Variants in TYW1 observed in about 807,000 individuals in gnomAD.
The protein encoded by TYW1 is S-adenosyl-L-methionine-dependent tRNA 4-demethylwyosine synthase TYW1.
A neutral mutation model predicts 96.2 loss-of-function variants in TYW1; 46 were observed. The ratio of observed to expected loss-of-function variants is 0.48; its 90% CI spans 0.38 to 0.61. The LOEUF is 0.61. TYW1 is among the 20% of genes least tolerant of loss of function. The probability of loss-of-function intolerance (pLI) is 0.00; values close to 1 mark genes in which losing one functional copy is unlikely to be tolerated. For synonymous variants in TYW1, 274 were observed against 323.0 expected (o/e 0.85, Z 1.63); for missense variants, 684 against 909.6 (o/e 0.75, Z 3.19).
At chr7:67,138,259 A>G (rs1798331242) in intron 13 of TYW1, among the ~76,000 whole-genome samples, 1 of 152,176 alleles carries the variant, frequency 6.6e-6, no homozygotes, top group Admixed American at 6.5e-5. Context: ...TAGACCAGAA[A>G]TTACCTTTTT....
intron 3 of TYW1, among the ~76,000 whole-genome samples, chr7:67,001,568 C>T (rs1793390203): frequency 6.6e-6 from 1 of 151,478 alleles, no homozygotes; most frequent in South Asian, 2.1e-4. Flanking sequence ...ACTATAGGCG[C>T]CCACCACTAT....
rs1219477756 is a variant in TYW1, at chr7:67,023,386, T to C, written c.862-1514T>C. 8.5e-5 allele frequency among the ~76,000 whole-genome samples: 13 copies of C among 152,244 alleles called. No homozygotes were observed. The East Asian group carries it at 2.1e-3, about 25-fold the overall frequency. On this transcript the variant is annotated intron_variant, in intron 6 of 15. Coordinates refer to ENST00000359626, the MANE Select transcript of TYW1 (RefSeq NM_018264.4). The stretch of plus-strand genomic sequence containing the variant: ...TGCTGGGATTACAGGAGTGAGCCAC[T>C]GTGTCCGGCCCGTTTCTTTTAAAGT...
At chr7:67,024,518 C>T (rs1209925804) in intron 6 of TYW1, among the ~76,000 whole-genome samples, 9 of 152,184 alleles carry the variant, frequency 5.9e-5, no homozygotes, top group Middle Eastern at 6.8e-3. Context: ...ACTGTCGTCA[C>T]GCCTGTAATC....
At chr7:67,102,368 T>C (rs948793240) in intron 12 of TYW1, among the ~76,000 whole-genome samples, 6 of 152,192 alleles carry the variant, frequency 3.9e-5, no homozygotes, top group South Asian at 2.1e-4. Context: ...GCAGAGGGAT[T>C]GTGGAATACG....
At chr7:67,036,654 G>A (rs991242900) in intron 7 of TYW1, among the ~76,000 whole-genome samples, 10 of 152,338 alleles carry the variant, frequency 6.6e-5, no homozygotes, top group East Asian at 5.8e-4. Flanking sequence ...TCCCTTGGTC[G>A]TGCTGGAACA....
intron 7 of TYW1, among the ~76,000 whole-genome samples, chr7:67,033,820 G>A (rs1794746280): frequency 6.6e-6 from 1 of 150,640 alleles, no homozygotes; most frequent in Admixed American, 6.6e-5. Context: ...TCAGCCTCCC[G>A]AGTAGCTGGG....
In TYW1 at chr7:67,029,422, T is replaced by C. The variant is rs968953260; in HGVS notation, c.984+4400T>C. Among the ~76,000 whole-genome samples the C allele has an allele frequency of 3.0e-4, 35 of 115,948 alleles. No homozygotes were observed. In the East Asian group the frequency reaches 3.3e-3, roughly 11 times the overall value. The allele number at this position is 115,948 out of a possible 152,430, so 76.1% of individuals were successfully genotyped here. On this transcript the variant is annotated intron_variant, in intron 7 of 15. Coordinates refer to ENST00000359626, the MANE Select transcript of TYW1 (RefSeq NM_018264.4). ...GTGTGTGTGTGTGTGTGTGTATATATATATATATATAAATAGTATTTTCTA... is the reference window on the plus strand; with the variant it reads ...GTGTGTGTGTGTGTGTGTGTATATACATATATATATAAATAGTATTTTCTA...
At chr7:67,221,263 T>C (rs1219377709) in intron 15 of TYW1, among the ~76,000 whole-genome samples, 2 of 152,228 alleles carry the variant, frequency 1.3e-5, no homozygotes, top group Non-Finnish European at 2.9e-5. Flanking sequence ...TTTCATAACC[T>C]TTTTAATTCA....
At chr7:67,121,076 T>TGCTCTTAAAAATTTTCCTTTAAA (rs1797744978) in intron 13 of TYW1, among the ~76,000 whole-genome samples, 1 of 152,262 alleles carries the variant, frequency 6.6e-6, no homozygotes, top group Admixed American at 6.5e-5. Flanking sequence ...GGCAGGATGC[T>TGCTCTTAAAAATTTTCCTTTAAA]GCTCTTAAAA....
At chr7:67,199,194 CA>C (rs955993833) in intron 15 of TYW1, among the ~76,000 whole-genome samples, 28 of 145,820 alleles carry the variant, frequency 1.9e-4, no homozygotes, top group African/African-American at 3.0e-4. Flanking sequence ...GAGACCATCT[CA>C]AAAAAAAAAA....
chr7:67,049,341 C>A (rs1795286466), intron 7 of TYW1, among the ~76,000 whole-genome samples: 3 of 152,022 alleles, frequency 2.0e-5, no homozygotes, highest in Admixed American at 1.3e-4. Flanking sequence ...ACTGAGATTG[C>A]TGAAAATGTT....
At chr7:67,012,395 G>A (rs534781803) in intron 4 of TYW1, among the ~76,000 whole-genome samples, 2 of 152,150 alleles carry the variant, frequency 1.3e-5, no homozygotes, top group Non-Finnish European at 2.9e-5. Flanking sequence ...CTCGTGGATT[G>A]TAGTTTACCG....
At chr7:67,068,827 A>G (rs1795951152) in intron 10 of TYW1, among the ~76,000 whole-genome samples, 1 of 152,112 alleles carries the variant, frequency 6.6e-6, no homozygotes, top group Non-Finnish European at 1.5e-5. Flanking sequence ...TGTATTTATC[A>G]TGGAATTTAT....
chr7:67,230,392 A>C, intron 15 of TYW1, among the ~76,000 whole-genome samples: 1 of 143,688 alleles, frequency 7.0e-6, no homozygotes, highest in African/African-American at 2.7e-5. Flanking sequence ...CACTATTTTA[A>C]ACCTTATTTT....
At chr7:67,189,483 G>A (rs990986669) in intron 14 of TYW1, among the ~76,000 whole-genome samples, 3 of 152,108 alleles carry the variant, frequency 2.0e-5, no homozygotes, top group African/African-American at 7.2e-5. Context: ...CTGTCCGTGT[G>A]TGCGTGTCAG....
At chr7:67,185,665 T>C (rs1799995285) in intron 14 of TYW1, among the ~76,000 whole-genome samples, 1 of 151,868 alleles carries the variant, frequency 6.6e-6, no homozygotes, top group African/African-American at 2.4e-5. Flanking sequence ...ATTTGAGATA[T>C]CTTTTAAATA....
At chr7:67,021,917 TTGCC>T (rs1337522239) in intron 6 of TYW1, among the ~76,000 whole-genome samples, 5 of 152,178 alleles carry the variant, frequency 3.3e-5, no homozygotes, top group African/African-American at 1.2e-4. Flanking sequence ...ATCCAGCCTA[TTGCC>T]TGTTTTTCTT....
chr7:67,045,182 A>G (rs1433842222), intron 7 of TYW1, among the ~76,000 whole-genome samples: 1 of 151,974 alleles, frequency 6.6e-6, no homozygotes, highest in Non-Finnish European at 1.5e-5. Flanking sequence ...ATCAAAATGA[A>G]TTAAGTGGTA....
intron 3 of TYW1, among the ~76,000 whole-genome samples, chr7:67,008,487 C>T (rs1001583389): frequency 2.7e-4 from 41 of 152,104 alleles, no homozygotes; most frequent in Admixed American, 1.8e-3. Context: ...TCCAGTAAGC[C>T]ATCTCATTAG....
Sources: allele counts gnomAD v4.1 joint callset (sites outside exome capture counted in the v4.1 genomes callset), GRCh38; gene constraint gnomAD v4.1.1; transcripts MANE v1.5; gene names NCBI Gene and HGNC (gene_info 2026-07-23, HGNC 2026-07-21).